Variants in NEDD4L observed in about 807,000 individuals in gnomAD.
The protein encoded by NEDD4L is E3 ubiquitin-protein ligase NEDD4-like.
Under a neutral mutation model 148.9 loss-of-function variants are expected in NEDD4L, and 54 were observed. That is an observed-to-expected ratio of 0.36 (90% CI 0.29 to 0.45). NEDD4L has a LOEUF of 0.45. Among genes scored for constraint, NEDD4L ranks in the 20% least tolerant of loss-of-function variants. The probability of loss-of-function intolerance (pLI) is 1.00; values close to 1 mark genes in which losing one functional copy is unlikely to be tolerated. For synonymous variants in NEDD4L, 433 were observed against 440.7 expected, an observed-to-expected ratio of 0.98 and a Z score of 0.22; for missense variants, 856 against 1,233.8, an observed-to-expected ratio of 0.69 and a Z score of 4.59.
At chr18:58,363,049 A>G (rs1295951365) in intron 19 of NEDD4L, among the ~76,000 whole-genome samples, 1 of 152,218 alleles carries the variant, frequency 6.6e-6, no homozygotes, top group Admixed American at 6.5e-5. Context: ...AAAAGACCAT[A>G]GGCAGTGTAA....
chr18:58,111,896 T>C (rs140777279), intron 1 of NEDD4L, among the ~76,000 whole-genome samples: 3 of 152,002 alleles, frequency 2.0e-5, no homozygotes, highest in African/African-American at 7.3e-5. Flanking sequence ...CATTTGACAT[T>C]CCCCCCCAGC....
At chr18:58,349,428 A>C in intron 16 of NEDD4L, 109 bp from the exon 17 acceptor site, 1 of 809,420 alleles carries the variant, frequency 1.2e-6, no homozygotes, top group Non-Finnish European at 2.1e-6. Flanking sequence ...CGCTCCAGGC[A>C]TGGACAGCCT....
chr18:58,184,505 G>A (rs75996326), intron 2 of NEDD4L, among the ~76,000 whole-genome samples: 3,595 of 152,142 alleles, frequency 0.024, 145 homozygotes, highest in African/African-American at 0.082. Context: ...TACCTCCTAA[G>A]CCATCCCTGG....
At chr18:58,213,755 TTG>T (rs2042846597) in intron 2 of NEDD4L, among the ~76,000 whole-genome samples, 1 of 152,136 alleles carries the variant, frequency 6.6e-6, no homozygotes, top group Non-Finnish European at 1.5e-5. Context: ...TTTGTTGTTG[TTG>T]TTTTTTTTTT....
At chr18:58,055,792 C>A (rs2082062703) in intron 1 of NEDD4L, among the ~76,000 whole-genome samples, 1 of 152,224 alleles carries the variant, frequency 6.6e-6, no homozygotes, top group Admixed American at 6.5e-5. Flanking sequence ...TCCTTCTGTG[C>A]ACTCCAGTTG....
chr18:58,336,771 A>G (rs12051934), intron 13 of NEDD4L, among the ~76,000 whole-genome samples: 74,516 of 151,920 alleles, frequency 0.49, 18,662 homozygotes, highest in East Asian at 0.66. Context: ...GCTCAGGTTA[A>G]GATATTGAGC....
intron 2 of NEDD4L, among the ~76,000 whole-genome samples, chr18:58,220,689 A>C (rs567406326): frequency 2.6e-5 from 4 of 152,316 alleles, no homozygotes; most frequent in Admixed American, 1.3e-4. Context: ...TGTTTGCTAC[A>C]ACTGGGGACA....
At chr18:58,379,292 G>A (rs975114710) in intron 24 of NEDD4L, among the ~76,000 whole-genome samples, 2 of 152,214 alleles carry the variant, frequency 1.3e-5, no homozygotes, top group African/African-American at 4.8e-5. Flanking sequence ...TCATGACGGG[G>A]GCCAGGGCGC....
At chr18:58,047,139 C>A in intron 1 of NEDD4L, 2 of 553,942 alleles carry the variant, frequency 3.6e-6, no homozygotes, top group Non-Finnish European at 4.6e-6. Context: ...CTGAAGCAAA[C>A]GGCAGGGTTG....
At chr18:58,329,221 C>A in intron 10 of NEDD4L, 94 bp downstream of exon 10, 1 of 1,357,532 alleles carries the variant, frequency 7.4e-7, no homozygotes, top group South Asian at 1.4e-5. Flanking sequence ...TGTCAGTAAA[C>A]ATTGTTGAGA....
intron 2 of NEDD4L, among the ~76,000 whole-genome samples, chr18:58,215,129 T>G (rs1000001041): frequency 6.6e-6 from 1 of 152,138 alleles, no homozygotes; most frequent in African/African-American, 2.4e-5. Flanking sequence ...TCGTGATATA[T>G]CTATGTGTGA....
intron 1 of NEDD4L, among the ~76,000 whole-genome samples, chr18:58,081,377 G>A (rs1018674694): frequency 2.0e-5 from 3 of 151,728 alleles, no homozygotes; most frequent in East Asian, 1.9e-4. Flanking sequence ...CACCGCGCCC[G>A]GCTAATTTTT....
intron 2 of NEDD4L, among the ~76,000 whole-genome samples, chr18:58,174,817 G>A (rs182960528): frequency 6.6e-6 from 1 of 152,282 alleles, no homozygotes; most frequent in East Asian, 1.9e-4. Context: ...AAGTAACGAG[G>A]GGAGGGGCTG....
chr18:58,115,626 C>G (rs2085768623), intron 1 of NEDD4L, among the ~76,000 whole-genome samples: 1 of 152,040 alleles, frequency 6.6e-6, no homozygotes, highest in African/African-American at 2.4e-5. Context: ...GATTTTTGGA[C>G]TTTTGAAAGA....
At chr18:58,052,769 C>T (rs147268222) in intron 1 of NEDD4L, among the ~76,000 whole-genome samples, 9,303 of 152,036 alleles carry the variant, frequency 0.061, 306 homozygotes, top group African/African-American at 0.084. Flanking sequence ...AGTTCAAGAC[C>T]AGCCTGACCA....
chr18:58,387,676 T>A, intron 27 of NEDD4L, 178 bp downstream of exon 27: 1 of 701,946 alleles, frequency 1.4e-6, no homozygotes, highest in Non-Finnish European at 2.1e-6. Context: ...TACATGTCTC[T>A]TATGGGGCTT....
At chr18:58,241,648 T>A (rs1464466002) in intron 2 of NEDD4L, among the ~76,000 whole-genome samples, 1 of 151,842 alleles carries the variant, frequency 6.6e-6, no homozygotes, top group Non-Finnish European at 1.5e-5. Flanking sequence ...GACTGCTTTT[T>A]TCCTGGGTGC....
At chr18:58,094,922 G>A (rs1216841393) in intron 1 of NEDD4L, among the ~76,000 whole-genome samples, 2 of 144,420 alleles carry the variant, frequency 1.4e-5, no homozygotes, top group Non-Finnish European at 3.0e-5. Context: ...AAAAAAAGAA[G>A]GGATTTCCCT....
intron 22 of NEDD4L, among the ~76,000 whole-genome samples, 179 bp from the exon 23 acceptor site, chr18:58,370,215 CCCT>C (rs1168219807): frequency 3.9e-5 from 6 of 152,202 alleles, no homozygotes; most frequent in African/African-American, 1.4e-4. Flanking sequence ...AGCACAGCTG[CCCT>C]CCTCATGCCA....
Sources: allele counts gnomAD v4.1 joint callset (sites outside exome capture counted in the v4.1 genomes callset), GRCh38; gene constraint gnomAD v4.1.1; transcripts MANE v1.5; gene names NCBI Gene and HGNC (gene_info 2026-07-23, HGNC 2026-07-21).